The following TENM1 variants were observed in gnomAD, a reference collection of about 807,000 sequenced individuals.
TENM1 encodes teneurin transmembrane protein 1.
A neutral mutation model predicts 174.8 loss-of-function variants in TENM1; 35 were observed. The ratio of observed to expected loss-of-function variants is 0.20; its 90% confidence interval spans 0.15 to 0.27. TENM1 has a LOEUF of 0.27. Ranked by LOEUF, TENM1 falls within the 10% of genes least tolerant of loss-of-function variation. The probability of loss-of-function intolerance (pLI) is 1.00; values close to 1 mark genes in which losing one functional copy is unlikely to be tolerated. For missense variants in TENM1, 1,633 were observed against 2,130.1 expected (o/e 0.77, Z 4.59); for synonymous variants, 781 against 798.7 (o/e 0.98, Z 0.37).
chrX:125,001,228 G>A, the TENM1 span, among the ~76,000 whole-genome samples: 1 of 111,161 alleles, frequency 9.0e-6, no homozygotes, highest in African/African-American at 3.3e-5. Flanking sequence ...TAACTTACAA[G>A]GTAATAGAAA....
chrX:124,994,695 T>A, the TENM1 span, among the ~76,000 whole-genome samples: 2 of 110,188 alleles, frequency 1.8e-5, no homozygotes, highest in African/African-American at 6.6e-5. Context: ...CAATTTCATA[T>A]CTTCTCTATT....
At chrX:124,869,200 T>G (rs1003562668) in intron 3 of TENM1, among the ~76,000 whole-genome samples, 2 of 108,749 alleles carry the variant, frequency 1.8e-5, no homozygotes, top group Non-Finnish European at 3.8e-5. Context: ...GCCACTGCAC[T>G]CCAGCCTGGG....
At chrX:124,918,668 A>G (rs753457023) in intron 1 of TENM1, among the ~76,000 whole-genome samples, 1 of 111,584 alleles carries the variant, frequency 9.0e-6, no homozygotes, top group East Asian at 2.8e-4. Context: ...TAAATAAGAG[A>G]AGGGAACTGA....
chrX:124,608,503 G>C (rs2050209876), intron 11 of TENM1, among the ~76,000 whole-genome samples: 1 of 111,629 alleles, frequency 9.0e-6, no homozygotes, highest in Non-Finnish European at 1.9e-5. Flanking sequence ...AGTGCTCCAA[G>C]GAAAAGAGCT....
chrX:124,663,288 CAT>C (rs1417548162), intron 6 of TENM1, among the ~76,000 whole-genome samples: 2 of 111,573 alleles, frequency 1.8e-5, no homozygotes, highest in Non-Finnish European at 1.9e-5. Flanking sequence ...TAATATTAGA[CAT>C]GTGTAGGCTA....
intron 27 of TENM1, among the ~76,000 whole-genome samples, chrX:124,398,731 A>G (rs759109455): frequency 3.3e-4 from 37 of 111,388 alleles, no homozygotes; most frequent in Non-Finnish European, 6.6e-4. Flanking sequence ...TTAAGCGTAC[A>G]ATTTAATGAG....
chrX:124,522,557 C>CT (rs1179269296), intron 17 of TENM1, among the ~76,000 whole-genome samples: 12 of 93,925 alleles, frequency 1.3e-4, no homozygotes, highest in East Asian at 9.3e-4. Context: ...AGAAGCAAAG[C>CT]TTTTTTAAAA....
intron 1 of TENM1, among the ~76,000 whole-genome samples, chrX:124,917,210 A>G (rs1291269970): frequency 8.9e-6 from 1 of 111,839 alleles, no homozygotes; most frequent in African/African-American, 3.3e-5. Context: ...CTGCAGAGAG[A>G]GGTAGGAATA....
chrX:124,399,164 T>A (rs1377145308), intron 27 of TENM1, among the ~76,000 whole-genome samples: 2 of 112,238 alleles, frequency 1.8e-5, no homozygotes, highest in Non-Finnish European at 3.8e-5. Flanking sequence ...ACTGCCTGAA[T>A]TCAAATCCTG....
chrX:125,124,212 G>C, the TENM1 span, among the ~76,000 whole-genome samples: 1 of 112,418 alleles, frequency 8.9e-6, no homozygotes, highest in Non-Finnish European at 1.9e-5. Flanking sequence ...GCTTATCTAT[G>C]TGTTTCAACT....
the TENM1 span, among the ~76,000 whole-genome samples, chrX:125,162,015 G>T: frequency 4.5e-5 from 5 of 111,827 alleles, no homozygotes; most frequent in South Asian, 1.9e-3. Context: ...TGAGAGGAAG[G>T]CTCCTTGCGG....
chrX:124,653,849 G>C, intron 6 of TENM1, 66 bp from the exon 10 acceptor site: 1 of 971,940 alleles, frequency 1.0e-6, no homozygotes, highest in Non-Finnish European at 1.4e-6. Flanking sequence ...ATGGTTTTTA[G>C]CTTTTCAAGA....
At chrX:124,598,751 TGGG>T (rs1195189940) in intron 11 of TENM1, among the ~76,000 whole-genome samples, 1 of 110,782 alleles carries the variant, frequency 9.0e-6, no homozygotes, top group Non-Finnish European at 1.9e-5. Context: ...GGAAGGGTAG[TGGG>T]GTTTGGCTGA....
At chrX:125,154,856 G>C in the TENM1 span, among the ~76,000 whole-genome samples, 1 of 110,360 alleles carries the variant, frequency 9.1e-6, no homozygotes, top group South Asian at 4.0e-4. Flanking sequence ...CGGTGCGTTC[G>C]TGGTCTCGCT....
At chrX:125,186,002 A>T in the TENM1 span, among the ~76,000 whole-genome samples, 7 of 110,484 alleles carry the variant, frequency 6.3e-5, no homozygotes, top group Non-Finnish European at 1.1e-4. Flanking sequence ...TTCCACATAG[A>T]CTCTCTCAAC....
At position 124,911,895 on chromosome X, in the gene TENM1, C is replaced by T. The variant is rs775417915; in HGVS notation, c.218-15654G>A. Among the ~76,000 whole-genome samples the T allele has an allele frequency of 1.7e-4, 19 of 111,650 alleles. No individual in the cohort carries two copies. In the East Asian group the frequency reaches 4.2e-3, roughly 25 times the overall value. ...ACATCTACAAAGCAGCCTGGAAATT[C>T]GCTAGCTGTGAGTTTTAATCCAGAA... is the stretch of plus-strand genomic sequence containing the variant. On this transcript the variant is annotated intron_variant, in intron 1 of 31. Transcript: ENST00000422452.
chrX:125,166,332 G>C, the TENM1 span, among the ~76,000 whole-genome samples: 3 of 111,028 alleles, frequency 2.7e-5, no homozygotes, highest in African/African-American at 9.8e-5. Flanking sequence ...TTTCTATAAA[G>C]TTTTTCTATG....
chrX:124,726,907 TC>T (rs753545485), intron 4 of TENM1, among the ~76,000 whole-genome samples: 1 of 112,382 alleles, frequency 8.9e-6, no homozygotes, highest in Admixed American at 9.4e-5. Flanking sequence ...GATTCTTTTT[TC>T]CCCAAGATAG....
the TENM1 span, among the ~76,000 whole-genome samples, chrX:125,036,738 C>T: frequency 9.0e-6 from 1 of 111,634 alleles, no homozygotes; most frequent in African/African-American, 3.2e-5. Flanking sequence ...TTCTTTTCAG[C>T]GGTACCATCA....
Sources: allele counts gnomAD v4.1 joint callset (sites outside exome capture counted in the v4.1 genomes callset), GRCh38; gene constraint gnomAD v4.1.1; transcripts MANE v1.5; gene names NCBI Gene and HGNC (gene_info 2026-07-23, HGNC 2026-07-21).